The following ALK variants were observed in gnomAD, a reference collection of about 807,000 sequenced individuals.
ALK encodes ALK tyrosine kinase receptor.
A neutral mutation model predicts 163.1 loss-of-function variants in ALK; 74 were observed. The ratio of observed to expected loss-of-function variants is 0.45; its 90% confidence interval spans 0.38 to 0.55. The LOEUF (loss-of-function observed/expected upper bound fraction) is 0.55. Ranked by LOEUF, ALK falls within the 20% of genes least tolerant of loss-of-function variation. The pLI is 0.00. For synonymous variants in ALK, 960 were observed against 843.2 expected (o/e 1.14, Z -2.40); for missense variants, 2,063 against 2,105.3 (o/e 0.98, Z 0.39).
chr2:29,357,367 G>A (rs780842463), intron 5 of ALK, among the ~76,000 whole-genome samples: 22 of 152,082 alleles, frequency 1.4e-4, no homozygotes, highest in Non-Finnish European at 2.1e-4. Context: ...TTTCTCCCCC[G>A]CTGGCAGGGC....
At chr2:29,764,828 T>C (rs1454481099) in intron 1 of ALK, among the ~76,000 whole-genome samples, 1 of 152,226 alleles carries the variant, frequency 6.6e-6, no homozygotes, top group Non-Finnish European at 1.5e-5. Context: ...GTTATTGATA[T>C]GATTTGGATT....
intron 1 of ALK, among the ~76,000 whole-genome samples, chr2:29,917,925 A>C (rs1667878981): frequency 6.6e-6 from 1 of 152,204 alleles, no homozygotes; most frequent in Non-Finnish European, 1.5e-5. Context: ...AATGATGCAT[A>C]AGGGCTTGGT....
intron 4 of ALK, among the ~76,000 whole-genome samples, chr2:29,518,765 G>A (rs895609546): frequency 2.6e-5 from 4 of 152,166 alleles, no homozygotes; most frequent in African/African-American, 9.6e-5. Context: ...ATCCTCAAAG[G>A]GAAGACAGAC....
chr2:29,790,975 T>C (rs1664171189), intron 1 of ALK, among the ~76,000 whole-genome samples: 1 of 152,152 alleles, frequency 6.6e-6, no homozygotes, highest in Admixed American at 6.5e-5. Context: ...GCCCAAGAGA[T>C]AGGAATCTGT....
chr2:29,445,657 C>A (rs1218758335), intron 4 of ALK, among the ~76,000 whole-genome samples: 1 of 151,958 alleles, frequency 6.6e-6, no homozygotes, highest in Non-Finnish European at 1.5e-5. Flanking sequence ...TCTGTCTCTA[C>A]TAAAAATACA....
chr2:29,857,739 T>C (rs1572442383), intron 1 of ALK, among the ~76,000 whole-genome samples: 1 of 152,212 alleles, frequency 6.6e-6, no homozygotes, highest in South Asian at 2.1e-4. Flanking sequence ...AAAAGTCCCA[T>C]GAAATCTATT....
intron 4 of ALK, among the ~76,000 whole-genome samples, chr2:29,489,554 C>T (rs1671853165): frequency 6.6e-6 from 1 of 152,184 alleles, no homozygotes; most frequent in Non-Finnish European, 1.5e-5. Context: ...CCCACATTGG[C>T]CTCCCAAAGT....
At chr2:29,523,120 G>C (rs1672858038) in intron 4 of ALK, among the ~76,000 whole-genome samples, 1 of 152,112 alleles carries the variant, frequency 6.6e-6, no homozygotes, top group Non-Finnish European at 1.5e-5. Flanking sequence ...AGGAACCCCG[G>C]GCAGGAGGGG....
At chr2:29,455,373 G>C (rs1169061522) in intron 4 of ALK, among the ~76,000 whole-genome samples, 1 of 152,164 alleles carries the variant, frequency 6.6e-6, no homozygotes, top group Non-Finnish European at 1.5e-5. Flanking sequence ...TACCCTGGGA[G>C]AGCAGCAAGG....
intron 1 of ALK, among the ~76,000 whole-genome samples, chr2:29,844,136 G>A (rs140924573): frequency 3.3e-4 from 51 of 152,282 alleles, no homozygotes; most frequent in African/African-American, 7.9e-4. Context: ...AAGTCACCCC[G>A]GAACTGCTAT....
intron 3 of ALK, among the ~76,000 whole-genome samples, chr2:29,629,774 C>G (rs1034943099): frequency 6.6e-6 from 1 of 152,152 alleles, no homozygotes; most frequent in Admixed American, 6.6e-5. Context: ...GAGGTACAGA[C>G]AGTTATTAGT....
chr2:29,475,529 G>T (rs1226675262), intron 4 of ALK, among the ~76,000 whole-genome samples: 12 of 152,100 alleles, frequency 7.9e-5, no homozygotes. Flanking sequence ...ACAGTCTCGG[G>T]CCCGCCGGAC....
chr2:29,908,962 A>C lies in ALK; in HGVS notation c.667+11031T>G, dbSNP rs576432602. ...GCTCAATTTAAAAGAAAAAAAAACT[A>C]AACCAATAAATAAGCATTTCCTCAG... On this transcript the variant is annotated intron_variant, in intron 1 of 28. Transcript: ENST00000389048. Among the ~76,000 whole-genome samples the C allele has an allele frequency of 2.0e-5, 3 of 152,346 alleles. No homozygotes were observed. In the South Asian group the frequency reaches 6.2e-4, roughly 32 times the overall value.
chr2:29,221,387 C>A (rs952331011), intron 22 of ALK: 4 of 417,534 alleles, frequency 9.6e-6, no homozygotes, highest in African/African-American at 6.1e-5. Flanking sequence ...ACACACAGGG[C>A]AGTAGGGCCT....
rs935357121 is a variant in ALK, at chr2:29,250,068, G to A, written c.2204+1037C>T. On this transcript the variant is annotated intron_variant, in intron 12 of 28. Transcript: ENST00000389048. ...CTCTCCTTCCCAGGAGGCCCAGGAT[G>A]TTGTGGATCCCGGAGGCTGCGGGGA... 3.9e-5 allele frequency among the ~76,000 whole-genome samples: 6 copies of A among 152,236 alleles called. No individual in the cohort carries two copies. The East Asian group carries it at 1.2e-3, about 29-fold the overall frequency.
At chr2:29,904,585 T>C (rs2148433118) in intron 1 of ALK, among the ~76,000 whole-genome samples, 1 of 152,260 alleles carries the variant, frequency 6.6e-6, no homozygotes, top group South Asian at 2.1e-4. Context: ...GATGCTACAC[T>C]AAACTCTTCT....
intron 5 of ALK, 50 bp from the exon 6 acceptor site, chr2:29,328,531 C>T (rs2148258551): frequency 6.2e-7 from 1 of 1,613,496 alleles, no homozygotes; most frequent in Non-Finnish European, 8.5e-7. Context: ...TGGCCCCAGG[C>T]AGCAGCTGGC....
chr2:29,858,054 T>A (rs1021338974), intron 1 of ALK, among the ~76,000 whole-genome samples: 4 of 59,010 alleles, frequency 6.8e-5, no homozygotes, highest in Non-Finnish European at 1.7e-4. Flanking sequence ...TGTATGTGTG[T>A]GTGCATGTGT....
intron 1 of ALK, among the ~76,000 whole-genome samples, chr2:29,861,709 A>C (rs552741043): frequency 6.6e-6 from 1 of 152,226 alleles, no homozygotes; most frequent in Admixed American, 6.5e-5. Flanking sequence ...CATTTAAAGA[A>C]GAGCTTATAC....
Sources: gnomAD v4.1 joint callset for allele counts (sites outside exome capture counted in the v4.1 genomes callset) on GRCh38, gnomAD v4.1.1 for gene constraint, MANE v1.5 for transcripts, NCBI Gene and HGNC (gene_info 2026-07-23, HGNC 2026-07-21) for gene names.